The following ITGBL1 variants were observed in gnomAD, a reference collection of about 807,000 sequenced individuals.
ITGBL1 encodes the protein integrin beta-like protein 1.
ITGBL1 carries 51 observed loss-of-function variants against 68.5 expected under a neutral mutation model. The observed-to-expected ratio is 0.74, with a 90% CI of 0.59 to 0.94. ITGBL1 has a LOEUF of 0.94. ITGBL1 is among the 40% of genes least tolerant of loss of function. The pLI is 0.00. For synonymous variants in ITGBL1, 209 were observed against 227.3 expected (o/e 0.92, Z 0.72); for missense variants, 649 against 647.4 (o/e 1.00, Z -0.03).
chr13:101,676,135 A>G (rs2033496192), intron 7 of ITGBL1, among the ~76,000 whole-genome samples: 1 of 151,244 alleles, frequency 6.6e-6, no homozygotes, highest in Non-Finnish European at 1.5e-5. Context: ...ATCTCTTTCT[A>G]TTGTCTGTTT....
At chr13:101,716,847 G>A (rs1201469941), downstream of ITGBL1, 4 of 150,796 alleles carry the variant, frequency 2.7e-5, no homozygotes, top group Admixed American at 6.6e-5. Flanking sequence ...TATTCACTCA[G>A]TGATAGGAAC....
intron 2 of ITGBL1, among the ~76,000 whole-genome samples, chr13:101,472,392 A>G (rs2048474381): frequency 6.6e-6 from 1 of 152,176 alleles, no homozygotes. Context: ...CTGCTTACCT[A>G]TGTTTTGTTA....
intron 7 of ITGBL1, among the ~76,000 whole-genome samples, chr13:101,602,045 A>G (rs190257885): frequency 1.3e-4 from 20 of 152,144 alleles, no homozygotes; most frequent in Non-Finnish European, 1.5e-4. Flanking sequence ...TTGCACACAG[A>G]CACTCTCACT....
chr13:101,471,836 T>C (rs1442576949), intron 2 of ITGBL1, among the ~76,000 whole-genome samples: 1 of 152,194 alleles, frequency 6.6e-6, no homozygotes, highest in Non-Finnish European at 1.5e-5. Flanking sequence ...CAGATATCTC[T>C]GCTCTGCATG....
chr13:101,550,306 T>A lies in ITGBL1; in HGVS notation c.317-17393T>A, dbSNP rs564297638. On this transcript the variant is annotated intron_variant, in intron 2 of 10. Coordinates refer to ENST00000376180, the MANE Select transcript of ITGBL1 (RefSeq NM_004791.3). The stretch of plus-strand genomic sequence containing the variant: ...AGAGTATATTTATAGCATAATATAA[T>A]AAACTACTGTCTCCTTCTGGGGCAA... Among the ~76,000 whole-genome samples the A allele has an allele frequency of 8.5e-5, 13 of 152,264 alleles. No homozygotes were observed. In the East Asian group the frequency reaches 2.5e-3, roughly 29 times the overall value.
intron 2 of ITGBL1, among the ~76,000 whole-genome samples, chr13:101,542,665 C>A (rs1402432163): frequency 1.3e-5 from 2 of 152,172 alleles, no homozygotes; most frequent in African/African-American, 4.8e-5. Context: ...GTATTAAAAT[C>A]TCCCATTATT....
chr13:101,707,511 T>G (rs1416852977), intron 9 of ITGBL1, among the ~76,000 whole-genome samples: 1 of 152,166 alleles, frequency 6.6e-6, no homozygotes, highest in East Asian at 1.9e-4. Flanking sequence ...CACCAATTGT[T>G]CCAAGTAAAC....
intron 2 of ITGBL1, among the ~76,000 whole-genome samples, chr13:101,554,758 G>T (rs921025610): frequency 2.0e-5 from 3 of 152,220 alleles, no homozygotes; most frequent in Non-Finnish European, 4.4e-5. Flanking sequence ...TGGGGCAGGG[G>T]ACAGGGCCCT....
At chr13:101,686,687 T>G (rs1455952157) in intron 7 of ITGBL1, among the ~76,000 whole-genome samples, 1 of 151,894 alleles carries the variant, frequency 6.6e-6, no homozygotes, top group Non-Finnish European at 1.5e-5. Flanking sequence ...GTTGAGATAA[T>G]TTTTGGAGGC....
chr13:101,568,474 ATT>A (rs989334356), intron 3 of ITGBL1, among the ~76,000 whole-genome samples: 7 of 152,224 alleles, frequency 4.6e-5, no homozygotes, highest in African/African-American at 1.7e-4. Flanking sequence ...TTCTTTTTAC[ATT>A]TGGGCAGGTG....
At chr13:101,684,804 C>A (rs2139536062) in intron 7 of ITGBL1, among the ~76,000 whole-genome samples, 1 of 151,850 alleles carries the variant, frequency 6.6e-6, no homozygotes, top group East Asian at 1.9e-4. Flanking sequence ...AAATGTTTAC[C>A]ATTAGCACCA....
intron 9 of ITGBL1, among the ~76,000 whole-genome samples, chr13:101,710,081 C>T (rs1216032739): frequency 6.6e-6 from 1 of 152,176 alleles, no homozygotes; most frequent in Non-Finnish European, 1.5e-5. Context: ...TAGCTAATGC[C>T]TTTGCAAATT....
chr13:101,531,809 T>A (rs556815524), intron 2 of ITGBL1, among the ~76,000 whole-genome samples: 7 of 151,810 alleles, frequency 4.6e-5, no homozygotes, highest in Non-Finnish European at 1.0e-4. Flanking sequence ...CTTGACTCAC[T>A]GCAAGCTCCG....
At chr13:101,485,839 A>AG (rs1566696721) in intron 2 of ITGBL1, among the ~76,000 whole-genome samples, 1 of 152,162 alleles carries the variant, frequency 6.6e-6, no homozygotes, top group African/African-American at 2.4e-5. Context: ...CATCAAAAAA[A>AG]CAATAGATGT....
intron 6 of ITGBL1, among the ~76,000 whole-genome samples, chr13:101,586,842 G>A (rs1427707275): frequency 2.6e-5 from 4 of 152,036 alleles, no homozygotes; most frequent in Non-Finnish European, 4.4e-5. Context: ...TCTATATACT[G>A]TATGGTATTA....
At position 101,653,058 on chromosome 13, in the gene ITGBL1, C is replaced by T. The variant is rs375307859; in HGVS notation, c.1016-39527C>T. On this transcript the variant is annotated intron_variant, in intron 7 of 10. Transcript: ENST00000376180. ...TTGCAGTGAGCCGAGATCACGCCACCGCACTCCAGCCTGGGCAACAAGAGT... is the reference window on the plus strand; with the variant it reads ...TTGCAGTGAGCCGAGATCACGCCACTGCACTCCAGCCTGGGCAACAAGAGT... 1.1e-4 allele frequency among the ~76,000 whole-genome samples: 16 copies of T among 151,448 alleles called. No individual in the cohort carries two copies. The South Asian group carries it at 2.7e-3, about 26-fold the overall frequency.
intron 7 of ITGBL1, among the ~76,000 whole-genome samples, chr13:101,635,515 T>A (rs2032142827): frequency 1.3e-5 from 2 of 152,032 alleles, no homozygotes; most frequent in Admixed American, 1.3e-4. Context: ...CAAAGCTTAT[T>A]AAAGGAAGTA....
chr13:101,550,273 G>A (rs1353410120), intron 2 of ITGBL1, among the ~76,000 whole-genome samples: 1 of 152,038 alleles, frequency 6.6e-6, no homozygotes, highest in African/African-American at 2.4e-5. Context: ...GCCTGCCTCT[G>A]GAGAAAAAGA....
chr13:101,513,517 C>CA (rs2049148030), intron 2 of ITGBL1, among the ~76,000 whole-genome samples: 1 of 151,934 alleles, frequency 6.6e-6, no homozygotes, highest in Admixed American at 6.6e-5. Context: ...CATTGGAAGA[C>CA]AAAATACCAA....
Sources: allele counts gnomAD v4.1 joint callset (sites outside exome capture counted in the v4.1 genomes callset), GRCh38; gene constraint gnomAD v4.1.1; transcripts MANE v1.5; gene names NCBI Gene and HGNC (gene_info 2026-07-23, HGNC 2026-07-21).